Variants in ZNF638 observed in about 807,000 individuals in gnomAD.
The protein encoded by ZNF638 is CTCL tumor antigen se33-1.
Under a neutral mutation model 195.6 loss-of-function variants are expected in ZNF638, and 46 were observed. The observed-to-expected ratio is 0.24, with a 90% CI of 0.19 to 0.30. The LOEUF is 0.30. ZNF638 is among the 10% of genes least tolerant of loss of function. The pLI is 1.00. For synonymous variants in ZNF638, 845 were observed against 772.0 expected (o/e 1.09, Z -1.57); for missense variants, 2,440 against 2,325.3 (o/e 1.05, Z -1.01).
rs758840795 is a variant in ZNF638 at position 71,431,388 on chromosome 2, C to G, written c.5712C>G (p.Asp1904Glu). 7 of 1,613,988 alleles carry G rather than the reference C, an allele frequency of 4.3e-6. No individual in the cohort carries two copies. The highest frequency in any genetic ancestry group is 5.9e-6 in the Non-Finnish European group (7 of 1,179,898). The change falls in exon 26 of 28, where the codon GAC (aspartate) becomes GAG (glutamate). Residue 1904 changes from aspartate (D) to glutamate (E), a missense_variant. Coordinates refer to ENST00000264447, the MANE Select transcript of ZNF638 (RefSeq NM_014497.5). Reference sequence around the variant, plus strand: ...AGCGAAAACGCAAGAAGACTGAAGACTCTTCTTCAGGCAAATCAGTGGCGT... The same window carrying G: ...AGCGAAAACGCAAGAAGACTGAAGAGTCTTCTTCAGGCAAATCAGTGGCGT... ...EPERKRKKTE[D>E]SSSGKSVASD...
intron 3 of ZNF638, among the ~76,000 whole-genome samples, chr2:71,360,166 A>G (rs1014612919): frequency 2.0e-5 from 3 of 152,238 alleles, no homozygotes; most frequent in Non-Finnish European, 2.9e-5. Context: ...AATTTTCAGA[A>G]TAAAATATTG....
At chr2:71,408,517 G>A (rs1166088278) in intron 20 of ZNF638, 6 of 353,198 alleles carry the variant, frequency 1.7e-5, no homozygotes, top group South Asian at 3.3e-5. Context: ...GTGACTCTTT[G>A]TATGTAACAT....
intron 1 of ZNF638, chr2:71,348,503 G>C: frequency 8.9e-7 from 1 of 1,128,350 alleles, no homozygotes. Context: ...CAGCACCTAG[G>C]ACAGCACCCA....
intron 1 of ZNF638, among the ~76,000 whole-genome samples, chr2:71,336,498 T>G (rs1341934744): frequency 6.6e-6 from 1 of 151,980 alleles, no homozygotes; most frequent in African/African-American, 2.4e-5. Flanking sequence ...CTATGTCTAA[T>G]ATAATTTTCA....
chr2:71,408,844 C>T, intron 20 of ZNF638: 1 of 254,630 alleles, frequency 3.9e-6, no homozygotes. Context: ...CTTGCACTAT[C>T]TAAAGAAAAA....
chr2:71,371,822 T>C (rs2079319429), intron 8 of ZNF638, among the ~76,000 whole-genome samples: 1 of 152,120 alleles, frequency 6.6e-6, no homozygotes, highest in Non-Finnish European at 1.5e-5. Flanking sequence ...ATTAATCCCT[T>C]GTCAGATGGA....
chr2:71,430,583 T>A (rs919467025), intron 25 of ZNF638, among the ~76,000 whole-genome samples: 1 of 152,220 alleles, frequency 6.6e-6, no homozygotes, highest in Non-Finnish European at 1.5e-5. Context: ...ATCTGTTTAT[T>A]ACCTCTTTTG....
Position 71,363,166 on chromosome 2 carries a change from A to G in ZNF638, c.1393A>G (p.Asn465Asp). The change falls in exon 4 of 28, where the codon AAT becomes GAT. Residue 465 changes from asparagine (N) to aspartate (D), a missense_variant. By Grantham distance (23) the Asn-to-Asp change is conservative. Coordinates refer to ENST00000264447, the MANE Select transcript of ZNF638 (RefSeq NM_014497.5). ...RQLRQQYPDW[N>D]PEILPSRRNE... The stretch of plus-strand genomic sequence containing the variant: ...TTTTCAAAATAGGTATCCTGATTGG[A>G]ATCCTGAGATCCTCCCATCGAGAAG... 1 of 1,597,498 alleles carries G rather than the reference A, an allele frequency of 6.3e-7. No homozygotes were observed. The highest frequency in any genetic ancestry group is 1.3e-5 in the African/African-American group (1 of 74,260).
At position 71,390,072 on chromosome 2, in the gene ZNF638, C is replaced by G. The variant is rs559456550; in HGVS notation, c.2378-6069C>G. Among the ~76,000 whole-genome samples, 39 of 152,262 alleles carry G rather than the reference C, an allele frequency of 2.6e-4. No homozygotes were observed. In the South Asian group the frequency reaches 7.9e-3, roughly 31 times the overall value. On this transcript the variant is annotated intron_variant, in intron 10 of 27. Coordinates refer to ENST00000264447, the MANE Select transcript of ZNF638 (RefSeq NM_014497.5). Reference sequence around the variant, plus strand: ...GAGGCAGTGCCCCACTAGTAGAGACCAAGGTAACTCAGCAAAAGAACCCCC... The same window carrying G: ...GAGGCAGTGCCCCACTAGTAGAGACGAAGGTAACTCAGCAAAAGAACCCCC...
At chr2:71,386,293 CAAAAAAAAAAAAAA>C (rs58219651) in intron 10 of ZNF638, among the ~76,000 whole-genome samples, 7 of 85,224 alleles carry the variant, frequency 8.2e-5, no homozygotes, top group African/African-American at 2.9e-4. Flanking sequence ...GACCTTGTCT[CAAAAAAAAAAAAAA>C]AAAAAAAAAA....
chr2:71,409,973 G>C (rs1432731901), intron 20 of ZNF638, among the ~76,000 whole-genome samples: 1 of 152,086 alleles, frequency 6.6e-6, no homozygotes, highest in African/African-American at 2.4e-5. Context: ...AATTCTGCAT[G>C]TTTGAAACTG....
At chr2:71,337,774 G>GT (rs78694843) in intron 1 of ZNF638, among the ~76,000 whole-genome samples, 23 of 136,190 alleles carry the variant, frequency 1.7e-4, no homozygotes, top group Non-Finnish European at 1.0e-4. Flanking sequence ...TTTTATAGCA[G>GT]TTTTTTTTTC....
intron 3 of ZNF638, among the ~76,000 whole-genome samples, chr2:71,356,171 G>C (rs1374013532): frequency 6.6e-6 from 1 of 152,162 alleles, no homozygotes; most frequent in Non-Finnish European, 1.5e-5. Flanking sequence ...TGGACCTAAA[G>C]CTCTTCTCTG....
intron 21 of ZNF638, among the ~76,000 whole-genome samples, chr2:71,421,052 C>T (rs1463067630): frequency 6.6e-6 from 1 of 152,120 alleles, no homozygotes; most frequent in Non-Finnish European, 1.5e-5. Context: ...AGCCAGGAAT[C>T]AAGGTCTCCA....
At chr2:71,357,355 G>A (rs7568069) in intron 3 of ZNF638, among the ~76,000 whole-genome samples, 72,756 of 151,872 alleles carry the variant, frequency 0.48, 18,916 homozygotes, top group Admixed American at 0.61. Flanking sequence ...TGGAAATTGG[G>A]GTTACTATCC....
rs2078578691 is a variant in ZNF638 at position 71,332,023 on chromosome 2, G to C, written c.-203+148G>C. The C allele has an allele frequency of 4.0e-6, 3 of 747,204 alleles. No individual in the cohort carries two copies. In the African/African-American group the frequency reaches 5.7e-5, roughly 14 times the overall value. The allele number at this position is 747,204 out of a possible 1,614,324, so 46.3% of individuals were successfully genotyped here. A position where few individuals can be genotyped will look rare whatever the true frequency, so the allele number is the denominator to read the frequency against. ...AAAATGGCGGCGGGCAGACGGCGGG[G>C]GCGGGAGGAGGTTGGGGGACCCCCG... On this transcript the variant is annotated intron_variant, in intron 1 of 27. Transcript: ENST00000264447.
chr2:71,366,822 T>G (rs2079208618), intron 6 of ZNF638, among the ~76,000 whole-genome samples: 1 of 152,230 alleles, frequency 6.6e-6, no homozygotes, highest in Non-Finnish European at 1.5e-5. Context: ...TTATTTTGAC[T>G]GTAACCTACT....
Position 71,433,186 on chromosome 2 carries a change from A to T in ZNF638, c.5774A>T (p.Lys1925Met). The T allele has an allele frequency of 6.2e-7, 1 of 1,613,228 alleles. No individual in the cohort carries two copies. Among genetic ancestry groups the T allele is most frequent in the Non-Finnish European group, 8.5e-7 (1 of 1,179,216 alleles). Reference sequence around the variant, plus strand: ...CTAGAATTAGACTTTCTTGTACCTAAGGCTGGATTCTTCTGTCCAATTTGT... The same window carrying T: ...CTAGAATTAGACTTTCTTGTACCTATGGCTGGATTCTTCTGTCCAATTTGT... The part of the protein sequence containing the change: ...VPEELDFLVP[K>M]AGFFCPICSL... The change falls in exon 27 of 28, where the codon AAG becomes ATG. Residue 1925 changes from lysine to methionine, a missense_variant. Lys to Met is a moderately conservative substitution (Grantham distance 95, BLOSUM62 -1). Coordinates refer to ENST00000264447, the MANE Select transcript of ZNF638 (RefSeq NM_014497.5).
Position 71,428,651 on chromosome 2 carries a change from G to GTTT in ZNF638, c.5650_5650+1insTTT (p.Val1884_Asp1885insPhe). The GTTT allele has an allele frequency of 6.2e-7, 1 of 1,611,698 alleles. No homozygotes were observed. The highest frequency in any genetic ancestry group is 8.5e-7 in the Non-Finnish European group (1 of 1,178,632). On this transcript the variant is annotated inframe_insertion and splice_region_variant. Coordinates refer to ENST00000264447, the MANE Select transcript of ZNF638 (RefSeq NM_014497.5). ...TGAAGAGGCCTTCCAGATGAGTGAA[G>GTTT]GTAAAGCAGGATTGTTGGAATGGGA...
Sources: allele counts gnomAD v4.1 joint callset (sites outside exome capture counted in the v4.1 genomes callset), GRCh38; gene constraint gnomAD v4.1.1; transcripts MANE v1.5; gene names NCBI Gene and HGNC (gene_info 2026-07-23, HGNC 2026-07-21).